Variants in CDH20 observed in about 807,000 individuals in gnomAD.
CDH20 encodes cadherin 20.
CDH20 carries 29 observed loss-of-function variants against 74.2 expected under a neutral mutation model. The observed-to-expected ratio is 0.39, with a 90% CI of 0.29 to 0.53. The LOEUF is 0.53. Ranked by LOEUF, CDH20 falls within the 20% of genes least tolerant of loss-of-function variation. The pLI, the probability that CDH20 is intolerant of heterozygous loss-of-function variation, is 0.69. For synonymous variants in CDH20, 469 were observed against 405.4 expected (o/e 1.16, Z -1.88); for missense variants, 988 against 1,048.3 (o/e 0.94, Z 0.79).
At chr18:61,519,308 G>C (rs1377728506) in intron 6 of CDH20, among the ~76,000 whole-genome samples, 1 of 151,010 alleles carries the variant, frequency 6.6e-6, no homozygotes, top group Non-Finnish European at 1.5e-5. Flanking sequence ...GCAACCCCAA[G>C]ACACATAATC....
intron 1 of CDH20, among the ~76,000 whole-genome samples, chr18:61,393,227 T>C (rs1911853044): frequency 6.6e-6 from 1 of 152,160 alleles, no homozygotes; most frequent in African/African-American, 2.4e-5. Context: ...AACTACCCCT[T>C]CATCTTCTTT....
chr18:61,456,676 A>G (rs1909581271), intron 1 of CDH20, among the ~76,000 whole-genome samples: 1 of 152,198 alleles, frequency 6.6e-6, no homozygotes, highest in Admixed American at 6.5e-5. Flanking sequence ...ACACAAAAAA[A>G]GACTTCTTGA....
chr18:61,506,866 C>G (rs375646740), intron 5 of CDH20, among the ~76,000 whole-genome samples: 4 of 152,096 alleles, frequency 2.6e-5, no homozygotes, highest in East Asian at 3.9e-4. Flanking sequence ...GGCTGCCCCC[C>G]CTTTATAGAT....
intron 1 of CDH20, among the ~76,000 whole-genome samples, chr18:61,489,407 A>C (rs1910877959): frequency 6.6e-6 from 1 of 152,106 alleles, no homozygotes; most frequent in Non-Finnish European, 1.5e-5. Flanking sequence ...ATTAACAGTG[A>C]AAATATTAAG....
intron 6 of CDH20, among the ~76,000 whole-genome samples, chr18:61,524,040 T>C (rs1912302198): frequency 6.6e-6 from 1 of 151,884 alleles, no homozygotes; most frequent in Admixed American, 6.6e-5. Context: ...TGCACATGTA[T>C]CCCAGGATTT....
intron 1 of CDH20, among the ~76,000 whole-genome samples, chr18:61,384,292 A>G (rs1194558495): frequency 1.3e-5 from 2 of 152,230 alleles, no homozygotes; most frequent in African/African-American, 4.8e-5. Context: ...TCTCATCAGG[A>G]GAACGAAAAT....
At chr18:61,418,280 C>G (rs1176937725) in intron 1 of CDH20, among the ~76,000 whole-genome samples, 1 of 152,184 alleles carries the variant, frequency 6.6e-6, no homozygotes, top group East Asian at 1.9e-4. Flanking sequence ...CCTGGCCGGG[C>G]GTGGTGGCTC....
intron 1 of CDH20, among the ~76,000 whole-genome samples, chr18:61,350,236 TA>T (rs1910260823): frequency 6.6e-6 from 1 of 152,148 alleles, no homozygotes; most frequent in Admixed American, 6.6e-5. Context: ...GAATCTATGT[TA>T]TTCTCTCTAT....
chr18:61,509,681 C>T (rs1911709969), intron 6 of CDH20, among the ~76,000 whole-genome samples: 2 of 152,106 alleles, frequency 1.3e-5, no homozygotes, highest in Non-Finnish European at 2.9e-5. Flanking sequence ...ACTCGGTTTT[C>T]ATTATAAATA....
chr18:61,490,120 A>G (rs1910902798), intron 1 of CDH20, among the ~76,000 whole-genome samples: 2 of 152,228 alleles, frequency 1.3e-5, no homozygotes, highest in South Asian at 4.1e-4. Context: ...TCAATAATAC[A>G]GTATAACCCT....
At chr18:61,530,425 T>C (rs1354008912) in intron 7 of CDH20, among the ~76,000 whole-genome samples, 3 of 152,232 alleles carry the variant, frequency 2.0e-5, no homozygotes, top group Admixed American at 6.5e-5. Context: ...AGTTATATGC[T>C]GCATGGCTAA....
chr18:61,363,939 G>T (rs771284812), intron 1 of CDH20, among the ~76,000 whole-genome samples: 1 of 152,138 alleles, frequency 6.6e-6, no homozygotes, highest in Non-Finnish European at 1.5e-5. Flanking sequence ...AGAATGAAAA[G>T]AAGAAAGAAA....
intron 8 of CDH20, among the ~76,000 whole-genome samples, chr18:61,538,588 G>GTTTT (rs1265851069): frequency 3.1e-4 from 17 of 55,122 alleles, no homozygotes; most frequent in Admixed American, 6.2e-4. Context: ...CTTTTTGTTT[G>GTTTT]TTTGTTTGTT....
intron 1 of CDH20, among the ~76,000 whole-genome samples, chr18:61,395,844 C>T (rs944050812): frequency 6.6e-6 from 1 of 152,128 alleles, no homozygotes; most frequent in Non-Finnish European, 1.5e-5. Context: ...ACCATCCTGG[C>T]CAACATGGTG....
At chr18:61,535,771 A>T (rs544208975) in intron 7 of CDH20, among the ~76,000 whole-genome samples, 1 of 152,230 alleles carries the variant, frequency 6.6e-6, no homozygotes, top group Non-Finnish European at 1.5e-5. Context: ...GAACGCAAAG[A>T]TCCATTTTTG....
In CDH20 at chr18:61,517,695, T is replaced by TTGTTG. The variant is rs1555682483; in HGVS notation, c.1017+10136_1017+10137insGTTGT. The stretch of plus-strand genomic sequence containing the variant: ...AGACACCGAACTAGCTGCAGTTTTT[T>TTGTTG]TTGTTGTTGTTGTTGTTTTGTTTTG... On this transcript the variant is annotated intron_variant, in intron 6 of 11. Transcript: ENST00000262717. Among the ~76,000 whole-genome samples the TTGTTG allele has an allele frequency of 9.9e-3, 1,510 of 152,020 alleles. 58 individuals carry two copies. The highest frequency in any genetic ancestry group is 0.075 in the Admixed American group (1,143 of 15,266).
chr18:61,521,596 C>A (rs1254610261), intron 6 of CDH20, among the ~76,000 whole-genome samples: 2 of 151,330 alleles, frequency 1.3e-5, no homozygotes, highest in East Asian at 3.9e-4. Context: ...ATCCTGATAC[C>A]AAAACCTGGC....
At chr18:61,509,874 A>G (rs1911718013) in intron 6 of CDH20, among the ~76,000 whole-genome samples, 1 of 152,142 alleles carries the variant, frequency 6.6e-6, no homozygotes, top group South Asian at 2.1e-4. Context: ...AGCCAACAGG[A>G]TTTCCTAAAA....
intron 1 of CDH20, among the ~76,000 whole-genome samples, chr18:61,460,571 G>A (rs532086453): frequency 1.0e-4 from 15 of 148,138 alleles, no homozygotes; most frequent in Middle Eastern, 3.5e-3. Flanking sequence ...ATTGTGTGTC[G>A]TCTTTGCTGT....
Sources: allele counts gnomAD v4.1 joint callset (sites outside exome capture counted in the v4.1 genomes callset), GRCh38; gene constraint gnomAD v4.1.1; transcripts MANE v1.5; gene names NCBI Gene and HGNC (gene_info 2026-07-23, HGNC 2026-07-21).